SHISAL2A: variants seen among roughly 807,000 people sequenced by gnomAD.
The protein encoded by SHISAL2A is protein shisa-like-2A.
SHISAL2A carries 18 observed loss-of-function variants against 11.5 expected under a neutral mutation model. That is an observed-to-expected ratio of 1.57 (90% CI 1.08 to 2.33). SHISAL2A has a LOEUF of 2.33. Among genes scored for constraint, SHISAL2A ranks in the 30% most tolerant of loss-of-function variants. SHISAL2A has a pLI of 0.00. For synonymous variants in SHISAL2A, 94 were observed against 99.6 expected, an observed-to-expected ratio of 0.94 and a Z score of 0.34; for missense variants, 261 against 250.9, an observed-to-expected ratio of 1.04 and a Z score of -0.27.
chr1:52,633,199 G>C lies in SHISAL2A; in HGVS notation c.-295G>C. Reference sequence around the variant, plus strand: ...AGGCGAGCACGCGGCTCCCGGCCCAGCTCCCCGCGTCCGCTCCGGCTCCTG... The same window carrying C: ...AGGCGAGCACGCGGCTCCCGGCCCACCTCCCCGCGTCCGCTCCGGCTCCTG... On this transcript the variant is annotated 5_prime_UTR_variant, in exon 1 of 3. Coordinates refer to ENST00000517870, the MANE Select transcript of SHISAL2A (RefSeq NM_001042693.3). The surrounding 1 kb of genome is among the most constrained non-coding windows in gnomAD (Gnocchi z 6.4). The C allele has an allele frequency of 4.0e-6, 1 of 250,302 alleles. No individual in the cohort carries two copies. The highest frequency in any genetic ancestry group is 7.5e-6 in the Non-Finnish European group (1 of 132,960). The allele number at this position is 250,302 out of a possible 1,614,324, so 15.5% of individuals were successfully genotyped here.
At chr1:52,654,258 T>TAGATAGATAGATAGATAGATAGACAGAC (rs1305001656) in intron 2 of SHISAL2A, among the ~76,000 whole-genome samples, 6 of 151,022 alleles carry the variant, frequency 4.0e-5, no homozygotes, top group Admixed American at 2.0e-4. Flanking sequence ...GATAGATAGA[T>TAGATAGATAGATAGATAGATAGACAGAC]AGACAGATAG....
chr1:52,656,726 G>C, intron 2 of SHISAL2A, 64 bp from the exon 3 acceptor site: 1 of 1,535,528 alleles, frequency 6.5e-7, no homozygotes, highest in South Asian at 1.3e-5. Context: ...AGAGAAGTCA[G>C]CTGGGGAGTG....
chr1:52,634,856 C>T (rs1301088405), intron 1 of SHISAL2A, among the ~76,000 whole-genome samples: 2 of 152,144 alleles, frequency 1.3e-5, no homozygotes, highest in African/African-American at 4.8e-5. Context: ...TCAATCATTG[C>T]CCTGATTTCT....
upstream of SHISAL2A, among the ~76,000 whole-genome samples, chr1:52,632,812 G>C (rs781059122): frequency 3.3e-4 from 50 of 152,166 alleles, no homozygotes; most frequent in Non-Finnish European, 4.9e-4. Context: ...GGCCGCCCCC[G>C]GTTAAAATCT....
At chr1:52,661,345 C>T (rs1364736184), downstream of SHISAL2A, among the ~76,000 whole-genome samples, 1 of 152,202 alleles carries the variant, frequency 6.6e-6, no homozygotes, top group African/African-American at 2.4e-5. Context: ...GCAGATCCTT[C>T]AGAAGTCTAA....
chr1:52,633,335 C>T lies in SHISAL2A; in HGVS notation c.-159C>T, dbSNP rs1691167946. The T allele has an allele frequency of 1.5e-6, 1 of 670,256 alleles. No individual in the cohort carries two copies. The highest frequency in any genetic ancestry group is 2.3e-6 in the Non-Finnish European group (1 of 441,368). The allele number at this position is 670,256 out of a possible 1,614,324, so 41.5% of individuals were successfully genotyped here. ...GGCCGCCGCTCGGTCCTCGGGGCCC[C>T]GCGCTGCTGTCTCTGTCTCGGCTTC... On this transcript the variant is annotated 5_prime_UTR_variant, in exon 1 of 3. Coordinates refer to ENST00000517870, the MANE Select transcript of SHISAL2A (RefSeq NM_001042693.3). This position sits in a 1 kb window ranked among gnomAD's most constrained non-coding sequence, Gnocchi z 6.4.
At chr1:52,662,857 GGTTAAATAGACA>G (rs1691934894) in intron 4 of SHISAL2A, among the ~76,000 whole-genome samples, 1 of 152,158 alleles carries the variant, frequency 6.6e-6, no homozygotes, top group Non-Finnish European at 1.5e-5. Context: ...AAGACTGCTA[GGTTAAATAGACA>G]GTTAAATACA....
At position 52,633,346 on chromosome 1, in the gene SHISAL2A, C is replaced by T. The variant is rs1691168204; in HGVS notation, c.-148C>T. On this transcript the variant is annotated 5_prime_UTR_variant, in exon 1 of 3. Transcript: ENST00000517870. This position sits in a 1 kb window ranked among gnomAD's most constrained non-coding sequence, Gnocchi z 6.4. ...GGTCCTCGGGGCCCCGCGCTGCTGTCTCTGTCTCGGCTTCTCTCGGCCCCT... is the reference window on the plus strand; with the variant it reads ...GGTCCTCGGGGCCCCGCGCTGCTGTTTCTGTCTCGGCTTCTCTCGGCCCCT... 2 of 729,162 alleles carry T rather than the reference C, an allele frequency of 2.7e-6. No individual in the cohort carries two copies. Among genetic ancestry groups the T allele is most frequent in the East Asian group, 6.9e-5 (2 of 29,086 alleles). 45.2% of individuals were successfully genotyped at this position (729,162 alleles called of 1,614,324 possible).
chr1:52,656,525 G>C (rs1571699125), intron 2 of SHISAL2A, among the ~76,000 whole-genome samples: 1 of 152,176 alleles, frequency 6.6e-6, no homozygotes, highest in Non-Finnish European at 1.5e-5. Context: ...CTACCTCATA[G>C]GGTTATGGTG....
intron 2 of SHISAL2A, among the ~76,000 whole-genome samples, chr1:52,653,892 A>C (rs565611590): frequency 1.3e-5 from 2 of 152,126 alleles, no homozygotes; most frequent in South Asian, 4.1e-4. Flanking sequence ...AAATTAGGCC[A>C]GTCGTATTTT....
chr1:52,649,053 GCT>G (rs958104872), intron 2 of SHISAL2A, among the ~76,000 whole-genome samples: 42 of 152,058 alleles, frequency 2.8e-4, no homozygotes, highest in Non-Finnish European at 1.8e-4. Context: ...ACAGCTTTAG[GCT>G]CTCTCTGCTT....
rs557241775 is a variant in SHISAL2A at position 52,642,888 on chromosome 1, G to A, written c.208G>A (p.Val70Ile). Reference protein sequence around the residue: ...LSIGALIGLSVAAVVLLAFIV... With the variant: ...LSIGALIGLSIAAVVLLAFIV... ...CATTGGCGCTCTCATAGGCCTGTCC[G>A]TAGCAGCAGTGGTTCTTCTCGCCTT... The change falls in exon 2 of 3, where the codon GTA becomes ATA. Residue 70 changes from valine (V) to isoleucine (I), a missense_variant. By Grantham distance (29) the Val-to-Ile change is conservative. Transcript: ENST00000517870. 5.4e-5 allele frequency: 87 copies of A among 1,613,592 alleles called. No homozygotes were observed. In the South Asian group the frequency reaches 8.3e-4, roughly 15 times the overall value.
chr1:52,643,904 G>A (rs961758650), intron 2 of SHISAL2A, among the ~76,000 whole-genome samples: 76 of 146,580 alleles, frequency 5.2e-4, no homozygotes, highest in Admixed American at 6.8e-5. Flanking sequence ...GGGAGGGAGG[G>A]AGGGAAGGAG....
intron 4 of SHISAL2A, among the ~76,000 whole-genome samples, chr1:52,666,783 A>C (rs973336813): frequency 6.6e-6 from 1 of 152,144 alleles, no homozygotes; most frequent in African/African-American, 2.4e-5. Context: ...GTCTCACTGA[A>C]ATGACAGGGA....
chr1:52,633,062 T>C (rs1691160457), upstream of SHISAL2A, among the ~76,000 whole-genome samples: 1 of 151,560 alleles, frequency 6.6e-6, no homozygotes, highest in Non-Finnish European at 1.5e-5. This position sits in a 1 kb window ranked among gnomAD's most constrained non-coding sequence, Gnocchi z 6.4. Context: ...CGCCCTGGCC[T>C]CGAATTCCCG....
intron 2 of SHISAL2A, among the ~76,000 whole-genome samples, chr1:52,643,954 G>T (rs972125606): frequency 6.6e-6 from 1 of 151,778 alleles, no homozygotes; most frequent in Non-Finnish European, 1.5e-5. Flanking sequence ...AAGGAAGGAA[G>T]GGAGGAAGGA....
chr1:52,638,209 C>T (rs150410835), intron 1 of SHISAL2A, among the ~76,000 whole-genome samples: 348 of 152,122 alleles, frequency 2.3e-3, no homozygotes, highest in African/African-American at 8.0e-3. Context: ...ACCCCAGAGT[C>T]AGGGAAGAGG....
In SHISAL2A at chr1:52,646,747, G is replaced by A. The variant is rs534509554; in HGVS notation, c.322+3745G>A. Among the ~76,000 whole-genome samples, 8 of 152,072 alleles carry A rather than the reference G, an allele frequency of 5.3e-5. No individual in the cohort carries two copies. The South Asian group carries it at 1.7e-3, about 31-fold the overall frequency. ...TGCAGCTCTCATGGTACAAGCAAGTGTCTTTTTCTCAGTCTATTTAGTGCC... is the reference window on the plus strand; with the variant it reads ...TGCAGCTCTCATGGTACAAGCAAGTATCTTTTTCTCAGTCTATTTAGTGCC... On this transcript the variant is annotated intron_variant, in intron 2 of 2. Coordinates refer to ENST00000517870, the MANE Select transcript of SHISAL2A (RefSeq NM_001042693.3).
intron 2 of SHISAL2A, among the ~76,000 whole-genome samples, chr1:52,655,536 A>C (rs1261119689): frequency 6.6e-6 from 1 of 151,152 alleles, no homozygotes; most frequent in Non-Finnish European, 1.5e-5. Flanking sequence ...TGAGGTGGGA[A>C]GATCACCTGA....
Sources: gnomAD v4.1 joint callset for allele counts (sites outside exome capture counted in the v4.1 genomes callset) on GRCh38, gnomAD v4.1.1 for gene constraint, Gnocchi (gnomAD v3.1) non-coding constraint, MANE v1.5 for transcripts, NCBI Gene and HGNC (gene_info 2026-07-23, HGNC 2026-07-21) for gene names.